Variants in SHISA9 observed in about 807,000 individuals in gnomAD.
SHISA9 encodes protein shisa-9.
In SHISA9, 13 loss-of-function variants were observed where a neutral mutation model predicts 38.0. That is an observed-to-expected ratio of 0.34 (90% CI 0.22 to 0.54). The LOEUF is 0.54. Among genes scored for constraint, SHISA9 ranks in the 20% least tolerant of loss-of-function variants. SHISA9 has a pLI of 0.91. For synonymous variants in SHISA9, 275 were observed against 242.0 expected (o/e 1.14, Z -1.27); for missense variants, 538 against 575.8 (o/e 0.93, Z 0.67).
chr16:13,084,205 G>A (rs2073685891), intron 2 of SHISA9, among the ~76,000 whole-genome samples: 1 of 152,194 alleles, frequency 6.6e-6, no homozygotes, highest in Non-Finnish European at 1.5e-5. Flanking sequence ...CAAGTTCACA[G>A]AGAGAGTCAG....
intron 4 of SHISA9, among the ~76,000 whole-genome samples, chr16:13,228,586 A>G (rs534839380): frequency 1.3e-5 from 2 of 152,250 alleles, no homozygotes; most frequent in South Asian, 4.1e-4. Context: ...TAAGACATTT[A>G]ATGAGGGCGA....
Position 12,929,867 on chromosome 16 carries a change from C to G in SHISA9, c.691+13052C>G, listed in dbSNP as rs139353769. 1.8e-4 allele frequency among the ~76,000 whole-genome samples: 27 copies of G among 152,298 alleles called. No individual in the cohort carries two copies. The East Asian group carries it at 2.3e-3, about 13-fold the overall frequency. Reference sequence around the variant, plus strand: ...TTCCACTTCAGGGGTTTTACATACGCTCTTCCCTCTGCCTGCAACAAGCTT... The same window carrying G: ...TTCCACTTCAGGGGTTTTACATACGGTCTTCCCTCTGCCTGCAACAAGCTT... On this transcript the variant is annotated intron_variant, in intron 2 of 4. Coordinates refer to ENST00000558583, the MANE Select transcript of SHISA9 (RefSeq NM_001145204.3).
At chr16:13,074,001 G>C (rs2073551287) in intron 2 of SHISA9, among the ~76,000 whole-genome samples, 1 of 132,604 alleles carries the variant, frequency 7.5e-6, no homozygotes, top group Non-Finnish European at 1.6e-5. Context: ...GCAGAGTCTT[G>C]TTCTGTTGCC....
the SHISA9 span, among the ~76,000 whole-genome samples, chr16:13,356,387 AG>A: frequency 2.0e-5 from 3 of 152,234 alleles, no homozygotes; most frequent in Non-Finnish European, 4.4e-5. Flanking sequence ...TTGATGAAAA[AG>A]AGCCTAAACG....
At chr16:13,042,108 TGTA>T (rs1267092605) in intron 2 of SHISA9, among the ~76,000 whole-genome samples, 1 of 152,200 alleles carries the variant, frequency 6.6e-6, no homozygotes, top group African/African-American at 2.4e-5. Context: ...AGTTCTGTAT[TGTA>T]ATAACTGGGA....
chr16:13,339,981 TA>T, the SHISA9 span, among the ~76,000 whole-genome samples: 1 of 152,226 alleles, frequency 6.6e-6, no homozygotes, highest in Non-Finnish European at 1.5e-5. Context: ...TTAGAAATGA[TA>T]AAGGTAATTA....
the SHISA9 span, among the ~76,000 whole-genome samples, chr16:13,416,791 G>GGGAAGGAAGGAAGGAA: frequency 5.6e-4 from 41 of 73,014 alleles, no homozygotes; most frequent in Admixed American, 8.6e-4. Flanking sequence ...AAGGAAGGAA[G>GGGAAGGAAGGAAGGAA]GGAAGGAAGG....
chr16:13,469,398 AAAG>A, the SHISA9 span, among the ~76,000 whole-genome samples: 3 of 128,898 alleles, frequency 2.3e-5, no homozygotes, highest in Non-Finnish European at 3.3e-5. Flanking sequence ...AGAAAGAAAG[AAAG>A]AAAGAAAGAA....
intron 2 of SHISA9, among the ~76,000 whole-genome samples, chr16:13,138,099 T>C (rs994556719): frequency 4.6e-5 from 7 of 152,194 alleles, no homozygotes; most frequent in African/African-American, 1.2e-4. Flanking sequence ...CCAAAAGTGA[T>C]GGTGATGCCG....
At chr16:13,543,042 G>A in the SHISA9 span, among the ~76,000 whole-genome samples, 1 of 152,120 alleles carries the variant, frequency 6.6e-6, no homozygotes, top group Admixed American at 6.5e-5. Context: ...GATTTCCAAC[G>A]TTTTCTCCCT....
intron 2 of SHISA9, among the ~76,000 whole-genome samples, chr16:13,007,812 A>G (rs1449448120): frequency 6.7e-6 from 1 of 148,210 alleles, no homozygotes; most frequent in East Asian, 2.0e-4. Flanking sequence ...CCTTCCTCAC[A>G]CCCCTCTTGT....
chr16:13,278,880 T>A, the SHISA9 span, among the ~76,000 whole-genome samples: 1 of 152,028 alleles, frequency 6.6e-6, no homozygotes, highest in Non-Finnish European at 1.5e-5. Context: ...TTTGTTTCAT[T>A]TATCTTTTGT....
chr16:13,298,749 G>A, the SHISA9 span, among the ~76,000 whole-genome samples: 2 of 152,164 alleles, frequency 1.3e-5, no homozygotes, highest in African/African-American at 4.8e-5. Flanking sequence ...CAGCCCTTTG[G>A]AAGAGTTTAT....
At chr16:13,439,724 G>A in the SHISA9 span, among the ~76,000 whole-genome samples, 4 of 152,208 alleles carry the variant, frequency 2.6e-5, no homozygotes, top group African/African-American at 9.7e-5. Flanking sequence ...TACCTTGAAT[G>A]TGAGCCTTGG....
chr16:13,033,990 A>C (rs1400400197), intron 2 of SHISA9, among the ~76,000 whole-genome samples: 2 of 152,080 alleles, frequency 1.3e-5, no homozygotes, highest in African/African-American at 4.8e-5. Context: ...TACTAAAAAT[A>C]TGAAGATTAG....
At chr16:13,483,024 T>A in the SHISA9 span, among the ~76,000 whole-genome samples, 7 of 152,286 alleles carry the variant, frequency 4.6e-5, no homozygotes, top group South Asian at 1.5e-3. Flanking sequence ...ATTTCAGACC[T>A]CCGCTTCCAC....
At chr16:13,251,485 G>A in the SHISA9 span, among the ~76,000 whole-genome samples, 4 of 152,194 alleles carry the variant, frequency 2.6e-5, no homozygotes, top group Middle Eastern at 3.4e-3. Flanking sequence ...AACACACCAC[G>A]GCCCAAACTT....
the SHISA9 span, among the ~76,000 whole-genome samples, chr16:13,339,926 C>G: frequency 6.6e-6 from 1 of 152,114 alleles, no homozygotes; most frequent in African/African-American, 2.4e-5. Context: ...CCTTAGCTAT[C>G]AGCAATGATT....
intron 2 of SHISA9, among the ~76,000 whole-genome samples, chr16:12,918,841 A>T (rs747434768): frequency 6.6e-6 from 1 of 152,218 alleles, no homozygotes; most frequent in Non-Finnish European, 1.5e-5. Flanking sequence ...TTAATTTTAT[A>T]TAATCCTTCC....
Sources: allele counts gnomAD v4.1 joint callset (sites outside exome capture counted in the v4.1 genomes callset), GRCh38; gene constraint gnomAD v4.1.1; transcripts MANE v1.5; gene names NCBI Gene and HGNC (gene_info 2026-07-23, HGNC 2026-07-21).